Variants in ABCG5 observed in about 807,000 individuals in gnomAD.
ABCG5 encodes the protein ATP binding cassette subfamily G member 5, also known as ATP-binding cassette sub-family G member 5.
In ABCG5, 64 loss-of-function variants were observed where a neutral mutation model predicts 64.5. The observed-to-expected ratio is 0.99, with a 90% confidence interval of 0.81 to 1.22. The LOEUF (loss-of-function observed/expected upper bound fraction) is 1.22, where lower values mean the gene tolerates loss of function less well. Ranked by LOEUF, ABCG5 falls within the 50% of genes most tolerant of loss-of-function variation. ABCG5 has a pLI of 0.00. For missense variants in ABCG5, 908 were observed against 829.5 expected (o/e 1.09, Z -1.16); for synonymous variants, 385 against 326.3 (o/e 1.18, Z -1.94).
intron 6 of ABCG5, 93 bp downstream of exon 6, chr2:43,826,289 T>A: frequency 6.3e-7 from 1 of 1,585,708 alleles, no homozygotes; most frequent in South Asian, 1.1e-5. Context: ...TGTGAGCCAC[T>A]GTGCCTGGCC....
intron 4 of ABCG5, among the ~76,000 whole-genome samples, chr2:43,830,471 G>A (rs1254565295): frequency 6.6e-6 from 1 of 152,260 alleles, no homozygotes; most frequent in Non-Finnish European, 1.5e-5. Flanking sequence ...CAGGAAGCCT[G>A]AGCCTTAGCC....
At chr2:43,816,189 T>C (rs1666811061) in intron 11 of ABCG5, among the ~76,000 whole-genome samples, 1 of 152,232 alleles carries the variant, frequency 6.6e-6, no homozygotes, top group Non-Finnish European at 1.5e-5. Context: ...CATTTACTTA[T>C]TCACTCAACA....
chr2:43,823,275 C>A (rs1667364456), intron 9 of ABCG5, among the ~76,000 whole-genome samples: 1 of 139,932 alleles, frequency 7.1e-6, no homozygotes. Context: ...GGATTCCCCC[C>A]ACCCCACCCC....
chr2:43,831,914 C>CG (rs1230805396), intron 3 of ABCG5, 33 bp downstream of exon 3: 20 of 654,730 alleles, frequency 3.1e-5, no homozygotes, highest in East Asian at 1.1e-4. Context: ...CCGGGGCGGG[C>CG]GGGGGGGCCA....
At chr2:43,806,341 G>A in the ABCG5 span, among the ~76,000 whole-genome samples, 1 of 152,194 alleles carries the variant, frequency 6.6e-6, no homozygotes, top group South Asian at 2.1e-4. Context: ...GTTGTTGCGA[G>A]GGTAACCTGA....
At position 43,817,098 on chromosome 2, in the gene ABCG5, G is replaced by A. The variant is rs1003419454; in HGVS notation, c.1650-2509C>T. On this transcript the variant is annotated intron_variant, in intron 11 of 12. Coordinates refer to ENST00000405322, the MANE Select transcript of ABCG5 (RefSeq NM_022436.3). ...TAAGAGTGGAGTTTTAATTTTCAGC[G>A]ATGGAAGTGGAATTCATATGAAGCC... 3.9e-5 allele frequency among the ~76,000 whole-genome samples: 6 copies of A among 152,192 alleles called. No homozygotes were observed. The East Asian group carries it at 5.8e-4, about 15-fold the overall frequency.
downstream of ABCG5, chr2:43,810,632 G>A (rs1369431569): frequency 1.8e-6 from 1 of 549,522 alleles, no homozygotes; most frequent in Admixed American, 6.4e-5. Context: ...CTACCCCAAG[G>A]GAGTACTGTC....
upstream of ABCG5, chr2:43,838,855 AGCGCGTCCTTATCTT>A: frequency 7.7e-7 from 1 of 1,300,356 alleles, no homozygotes; most frequent in Non-Finnish European, 1.1e-6. The surrounding 1 kb of genome is among the most constrained non-coding windows in gnomAD (Gnocchi z 4.2). Context: ...ACCTTTAGCC[AGCGCGTCCTTATCTT>A]GACAGTGGGC....
Position 43,828,645 on chromosome 2 carries a change from G to C in ABCG5, c.502-530C>G, listed in dbSNP as rs553662255. Among the ~76,000 whole-genome samples the C allele has an allele frequency of 1.5e-4, 23 of 152,108 alleles. No homozygotes were observed. The East Asian group carries it at 2.3e-3, about 15-fold the overall frequency. On this transcript the variant is annotated intron_variant, in intron 4 of 12. Transcript: ENST00000405322. ...CCACTGCACTCCAGCCTAGGTGACA[G>C]AGCAAGACCCTGTCTCTAAAATAAA...
chr2:43,812,605 G>T lies in ABCG5; in HGVS notation c.*511C>A, dbSNP rs547604287. On this transcript the variant is annotated 3_prime_UTR_variant, in exon 13 of 13. Coordinates refer to ENST00000405322, the MANE Select transcript of ABCG5 (RefSeq NM_022436.3). The stretch of plus-strand genomic sequence containing the variant: ...TGATCAGGTAACTCCGACCCCTCGT[G>T]TGGACATCTGCATTTAACTCTGGGT... 1.7e-5 allele frequency: 3 copies of T among 173,430 alleles called. No individual in the cohort carries two copies. Among genetic ancestry groups the T allele is most frequent in the Non-Finnish European group, 3.7e-5 (3 of 80,612 alleles). The allele number at this position is 173,430 out of a possible 1,614,324, so 10.7% of individuals were successfully genotyped here. A position where few individuals can be genotyped will look rare whatever the true frequency, so the allele number is the denominator to read the frequency against.
intron 3 of ABCG5, 36 bp downstream of exon 3, chr2:43,831,911 G>C (rs765011630): frequency 1.3e-6 from 2 of 1,546,940 alleles, no homozygotes; most frequent in South Asian, 2.4e-5. Context: ...CCCCCGGGGC[G>C]GGCGGGGGGG....
rs769339847 is a variant in ABCG5 at position 43,826,415 on chromosome 2, G to A, written c.741C>T (p.Leu247=). Residue 247 remains leucine, a synonymous_variant, in exon 6 of 13, where the codon CTC becomes CTT. Coordinates refer to ENST00000405322, the MANE Select transcript of ABCG5 (RefSeq NM_022436.3). ...GCTCAGAACGGGGCTGGTGAATGGT[G>A]AGAACCACAATTCGGTTCCTGCGAG... The part of the protein sequence containing the change: ...ELARRNRIVV[L]TIHQPRSELF... The A allele has an allele frequency of 1.9e-6, 3 of 1,613,978 alleles. No homozygotes were observed. Among genetic ancestry groups the A allele is most frequent in the African/African-American group, 2.7e-5 (2 of 74,900 alleles).
rs1257853786 is a variant in ABCG5, at chr2:43,837,866, C to A, written c.233G>T (p.Ser78Ile). ...TCCTAGGATGCACATGATCTGCCCGCTCTCCACGTACAAGGAGACATCTTT... is the reference window on the plus strand; with the variant it reads ...TCCTAGGATGCACATGATCTGCCCGATCTCCACGTACAAGGAGACATCTTT... ...ILKDVSLYVE[S>I]GQIMCILGSS... The change falls in exon 2 of 13, where the codon AGC (serine) becomes ATC (isoleucine). Residue 78 changes from serine to isoleucine, a missense_variant. By Grantham distance (142) the Ser-to-Ile change is moderately radical (BLOSUM62 -2). Coordinates refer to ENST00000405322, the MANE Select transcript of ABCG5 (RefSeq NM_022436.3). 1 of 1,614,152 alleles carries A rather than the reference C, an allele frequency of 6.2e-7. No homozygotes were observed.
chr2:43,820,835 G>A (rs552615205), intron 10 of ABCG5, among the ~76,000 whole-genome samples: 1 of 152,142 alleles, frequency 6.6e-6, no homozygotes, highest in East Asian at 1.9e-4. Context: ...TTTGTATTTA[G>A]TAGAGATGGG....
chr2:43,828,162 C>T (rs772300255), intron 4 of ABCG5, 47 bp from the exon 5 acceptor site: 2 of 1,612,404 alleles, frequency 1.2e-6, no homozygotes. Context: ...TCTGTGGCTG[C>T]TATTTCAATT....
intron 4 of ABCG5, chr2:43,828,570 G>T (rs188210438): frequency 4.1e-4 from 142 of 344,540 alleles, no homozygotes; most frequent in African/African-American, 2.7e-3. Flanking sequence ...GCTTAGGCAG[G>T]AGGATCGCTT....
chr2:43,832,140 G>A (rs960993792), intron 2 of ABCG5, 57 bp from the exon 3 acceptor site: 1 of 1,552,474 alleles, frequency 6.4e-7, no homozygotes, highest in South Asian at 1.2e-5. Flanking sequence ...CCTTGGAGGA[G>A]CTTCCCGAGA....
rs184893733 is a variant in ABCG5, at chr2:43,825,077, T to C, written c.775-59A>G. ...CACAAGGGTAGCGATGCACTTTGAA[T>C]GTCTCTGGGAACACTGATGCAGGGC... On this transcript the variant is annotated intron_variant, in intron 6 of 12. Coordinates refer to ENST00000405322, the MANE Select transcript of ABCG5 (RefSeq NM_022436.3). 63 of 1,598,206 alleles carry C rather than the reference T, an allele frequency of 3.9e-5. No individual in the cohort carries two copies. In the East Asian group the frequency reaches 1.3e-3, roughly 34 times the overall value.
intron 2 of ABCG5, among the ~76,000 whole-genome samples, chr2:43,834,719 C>T (rs1668154567): frequency 6.6e-6 from 1 of 152,224 alleles, no homozygotes; most frequent in Admixed American, 6.5e-5. Context: ...AAAACTATGA[C>T]ATTTGCAACT....
Sources: gnomAD v4.1 joint callset for allele counts (sites outside exome capture counted in the v4.1 genomes callset) on GRCh38, gnomAD v4.1.1 for gene constraint, Gnocchi (gnomAD v3.1) non-coding constraint, MANE v1.5 for transcripts, NCBI Gene and HGNC (gene_info 2026-07-23, HGNC 2026-07-21) for gene names.